Variants in PDE4D observed in about 807,000 individuals in gnomAD.
PDE4D encodes 3',5'-cyclic-AMP phosphodiesterase 4D.
A neutral mutation model predicts 87.4 loss-of-function variants in PDE4D; 24 were observed. That is an observed-to-expected ratio of 0.27 (90% confidence interval 0.20 to 0.39). The LOEUF (loss-of-function observed/expected upper bound fraction) is 0.39. Ranked by LOEUF, PDE4D falls within the 10% of genes least tolerant of loss-of-function variation. The pLI is 1.00. For missense variants in PDE4D, 714 were observed against 1,041.0 expected (o/e 0.69, Z 4.32); for synonymous variants, 384 against 383.2 (o/e 1.00, Z -0.02).
intron 1 of PDE4D, among the ~76,000 whole-genome samples, chr5:59,658,349 A>G (rs996168793): frequency 2.6e-5 from 4 of 152,056 alleles, no homozygotes; most frequent in East Asian, 1.9e-4. Flanking sequence ...TGGAAACTCT[A>G]TTCCATCTAC....
In PDE4D at chr5:59,999,988, T is replaced by C. The variant is rs954962769; in HGVS notation, c.43-11271A>G. ...TGACTCCATCAAGCAGAAGAAAGAA[T>C]AAATGAACTCAAAGAGAGGCCACTT... On this transcript the variant is annotated intron_variant, in intron 2 of 16. Transcript: ENST00000502484. Among the ~76,000 whole-genome samples the C allele has an allele frequency of 4.1e-4, 62 of 151,452 alleles. 2 individuals carry two copies. Among genetic ancestry groups the C allele is most frequent in the Admixed American group, 2.6e-4 (4 of 15,192 alleles).
intron 1 of PDE4D, among the ~76,000 whole-genome samples, chr5:60,359,339 T>C (rs1201577549): frequency 2.6e-5 from 4 of 152,050 alleles, no homozygotes; most frequent in Admixed American, 2.0e-4. Flanking sequence ...GCCCCGGAGG[T>C]AGAGGCTACA....
chr5:60,503,780 A>T (rs936518934), intron 1 of PDE4D, among the ~76,000 whole-genome samples: 1 of 152,164 alleles, frequency 6.6e-6, no homozygotes, highest in Non-Finnish European at 1.5e-5. Context: ...TCATTCTGTT[A>T]ACTTTTTTTA....
chr5:59,959,390 A>G (rs1759218679), intron 3 of PDE4D, among the ~76,000 whole-genome samples: 1 of 152,194 alleles, frequency 6.6e-6, no homozygotes, highest in Non-Finnish European at 1.5e-5. Flanking sequence ...GGAGCCAAAA[A>G]TAGAGCAGAA....
At chr5:59,735,834 T>G (rs899062143) in intron 1 of PDE4D, among the ~76,000 whole-genome samples, 1 of 152,034 alleles carries the variant, frequency 6.6e-6, no homozygotes, top group African/African-American at 2.4e-5. Context: ...ACCCAGATAA[T>G]TTTTAAATAT....
chr5:60,258,390 AT>A (rs1351981782), intron 1 of PDE4D, among the ~76,000 whole-genome samples: 7 of 152,016 alleles, frequency 4.6e-5, no homozygotes, highest in Admixed American at 4.6e-4. Flanking sequence ...AGACCAAAAA[AT>A]ACCCTCAGAA....
chr5:60,261,810 C>T (rs1479280362), intron 1 of PDE4D, among the ~76,000 whole-genome samples: 1 of 152,080 alleles, frequency 6.6e-6, no homozygotes, highest in Non-Finnish European at 1.5e-5. Flanking sequence ...TCTCCTGGGC[C>T]ACAAGTGTGC....
chr5:59,321,409 T>C (rs1280364512), intron 1 of PDE4D, among the ~76,000 whole-genome samples: 3 of 152,128 alleles, frequency 2.0e-5, no homozygotes, highest in African/African-American at 7.2e-5. Context: ...TGACAGCTAA[T>C]ATTTAAGGGT....
chr5:59,444,272 T>C (rs564337766), intron 1 of PDE4D, among the ~76,000 whole-genome samples: 2 of 152,200 alleles, frequency 1.3e-5, no homozygotes, highest in South Asian at 4.1e-4. Context: ...GCCTTGCTCA[T>C]AGATATGGAA....
At chr5:59,217,335 A>G (rs1751480984) in intron 1 of PDE4D, 1 of 453,500 alleles carries the variant, frequency 2.2e-6, no homozygotes, top group African/African-American at 2.0e-5. Context: ...ATCTTTATTC[A>G]AACTATTAAC....
At chr5:60,389,058 A>C (rs1762396637) in intron 1 of PDE4D, among the ~76,000 whole-genome samples, 1 of 152,228 alleles carries the variant, frequency 6.6e-6, no homozygotes, top group African/African-American at 2.4e-5. Flanking sequence ...ATGATATAGA[A>C]TATCATATAG....
intron 5 of PDE4D, among the ~76,000 whole-genome samples, chr5:59,139,401 C>T (rs931195783): frequency 4.6e-5 from 7 of 152,092 alleles, no homozygotes; most frequent in African/African-American, 9.7e-5. Flanking sequence ...GTCATTTTAC[C>T]GCAGAACATT....
intron 1 of PDE4D, among the ~76,000 whole-genome samples, chr5:59,265,317 T>A (rs1217488479): frequency 6.6e-6 from 1 of 152,002 alleles, no homozygotes; most frequent in Non-Finnish European, 1.5e-5. Flanking sequence ...TGACCACTTC[T>A]TATTTTGCCA....
chr5:60,335,114 T>C (rs1757633078), intron 1 of PDE4D: 1 of 152,344 alleles, frequency 6.6e-6, no homozygotes, highest in South Asian at 2.1e-4. Context: ...CTCCTTGCAA[T>C]TTCCAAATTC....
In PDE4D at chr5:59,022,257, G is replaced by C. The variant is rs188190905; in HGVS notation, c.921+16602C>G. Among the ~76,000 whole-genome samples the C allele has an allele frequency of 7.2e-5, 11 of 152,260 alleles. No individual in the cohort carries two copies. The East Asian group carries it at 1.5e-3, about 21-fold the overall frequency. On this transcript the variant is annotated intron_variant, in intron 6 of 14. Coordinates refer to ENST00000340635, the MANE Select transcript of PDE4D (RefSeq NM_001104631.2). ...GGTTTCACCAAATGAACCCTGCGGT[G>C]GAAAGGGGCAGCAACGGGCATTGGT...
At chr5:59,404,945 G>A (rs546820680) in intron 1 of PDE4D, among the ~76,000 whole-genome samples, 1 of 151,954 alleles carries the variant, frequency 6.6e-6, no homozygotes, top group East Asian at 1.9e-4. Flanking sequence ...ATTTGTTCCT[G>A]GGTTTTCATG....
chr5:59,341,981 A>T (rs1162913774), intron 1 of PDE4D, among the ~76,000 whole-genome samples: 1 of 152,172 alleles, frequency 6.6e-6, no homozygotes, highest in Non-Finnish European at 1.5e-5. Context: ...GTAGGCGCAG[A>T]GGCACCTGAA....
chr5:59,164,425 C>A (rs185290982), intron 5 of PDE4D, among the ~76,000 whole-genome samples: 4 of 152,138 alleles, frequency 2.6e-5, no homozygotes, highest in Non-Finnish European at 5.9e-5. Flanking sequence ...TCCTACTATG[C>A]GTCAGATGCT....
intron 11 of PDE4D, among the ~76,000 whole-genome samples, chr5:58,982,939 T>C (rs951363289): frequency 3.9e-5 from 6 of 152,220 alleles, no homozygotes; most frequent in African/African-American, 1.4e-4. Flanking sequence ...AGAGAGATCA[T>C]TCACATATCT....
Sources: allele counts gnomAD v4.1 joint callset (sites outside exome capture counted in the v4.1 genomes callset), GRCh38; gene constraint gnomAD v4.1.1; transcripts MANE v1.5; gene names NCBI Gene and HGNC (gene_info 2026-07-23, HGNC 2026-07-21).